The following B3GLCT variants were observed in gnomAD, a reference collection of about 807,000 sequenced individuals.
B3GLCT encodes beta-1,3-glucosyltransferase.
B3GLCT carries 65 observed loss-of-function variants against 63.4 expected under a neutral mutation model. The ratio of observed to expected loss-of-function variants is 1.03; its 90% CI spans 0.84 to 1.26. The LOEUF is 1.26. Among genes scored for constraint, B3GLCT ranks in the 50% most tolerant of loss-of-function variants. The pLI, the probability that B3GLCT is intolerant of heterozygous loss-of-function variation, is 0.00. For missense variants in B3GLCT, 577 were observed against 604.8 expected (o/e 0.95, Z 0.48); for synonymous variants, 233 against 219.2 (o/e 1.06, Z -0.55).
At chr13:31,274,775 G>A (rs943857489) in intron 9 of B3GLCT, 147 bp downstream of exon 9, 11 of 1,037,948 alleles carry the variant, frequency 1.1e-5, no homozygotes, top group Non-Finnish European at 1.3e-5. Flanking sequence ...TGATGCTAAG[G>A]TTTGGGCTTC....
At chr13:31,205,862 A>G (rs1023195518) in intron 1 of B3GLCT, among the ~76,000 whole-genome samples, 3 of 152,258 alleles carry the variant, frequency 2.0e-5, no homozygotes, top group African/African-American at 7.2e-5. Flanking sequence ...CAAAACAAAA[A>G]TAAAAACAAA....
intron 6 of B3GLCT, among the ~76,000 whole-genome samples, chr13:31,259,572 A>G (rs1283071091): frequency 6.6e-6 from 1 of 151,246 alleles, no homozygotes; most frequent in Non-Finnish European, 1.5e-5. Context: ...TGTGCAGCTT[A>G]GGTCATTGAG....
At chr13:31,282,127 TTAAAG>T (rs1269377075) in intron 10 of B3GLCT, among the ~76,000 whole-genome samples, 1 of 152,218 alleles carries the variant, frequency 6.6e-6, no homozygotes, top group Non-Finnish European at 1.5e-5. Flanking sequence ...AGGTAACTTA[TTAAAG>T]TATTTTCTCA....
chr13:31,313,597 TC>T, intron 12 of B3GLCT, among the ~76,000 whole-genome samples: 1 of 152,302 alleles, frequency 6.6e-6, no homozygotes, highest in East Asian at 1.9e-4. Context: ...CTGACTTGGA[TC>T]CTGTTAAAGG....
At chr13:31,243,641 A>C (rs1306698333) in intron 4 of B3GLCT, among the ~76,000 whole-genome samples, 1 of 152,238 alleles carries the variant, frequency 6.6e-6, no homozygotes, top group African/African-American at 2.4e-5. Flanking sequence ...GAGGATGATG[A>C]ATATGTATAA....
At chr13:31,279,209 G>A (rs1024160810) in intron 10 of B3GLCT, among the ~76,000 whole-genome samples, 10 of 152,040 alleles carry the variant, frequency 6.6e-5, no homozygotes, top group African/African-American at 1.9e-4. Context: ...AATACAAATC[G>A]AGCTGAGAAT....
At chr13:31,270,339 T>C (rs1872527966) in intron 8 of B3GLCT, among the ~76,000 whole-genome samples, 1 of 152,220 alleles carries the variant, frequency 6.6e-6, no homozygotes, top group Non-Finnish European at 1.5e-5. Flanking sequence ...TTCTGACTTC[T>C]CAGCTGTCTT....
At chr13:31,257,883 A>G (rs1871818556) in intron 6 of B3GLCT, among the ~76,000 whole-genome samples, 2 of 152,170 alleles carry the variant, frequency 1.3e-5, no homozygotes, top group South Asian at 4.1e-4. Flanking sequence ...ATTACATGTT[A>G]GGTGTACTGG....
intron 8 of B3GLCT, among the ~76,000 whole-genome samples, chr13:31,273,369 T>C (rs1872653100): frequency 1.3e-5 from 2 of 152,326 alleles, no homozygotes; most frequent in South Asian, 2.1e-4. Context: ...GCTGGGATTA[T>C]AGGCGTGAGC....
chr13:31,238,241 C>T (rs1434153511), intron 4 of B3GLCT, among the ~76,000 whole-genome samples: 1 of 152,172 alleles, frequency 6.6e-6, no homozygotes, highest in Non-Finnish European at 1.5e-5. Context: ...AAAACGGAAA[C>T]ATTTTTCATC....
chr13:31,324,963 T>C (rs1342150246), intron 14 of B3GLCT, among the ~76,000 whole-genome samples: 2 of 152,180 alleles, frequency 1.3e-5, no homozygotes, highest in African/African-American at 4.8e-5. Context: ...CACCTCGACT[T>C]CCCAAAGTGC....
chr13:31,228,223 T>G (rs1566050366), intron 3 of B3GLCT, among the ~76,000 whole-genome samples: 1 of 152,238 alleles, frequency 6.6e-6, no homozygotes, highest in Non-Finnish European at 1.5e-5. Context: ...TGTGGCCGTT[T>G]CCTGGAGATA....
At chr13:31,308,698 A>C (rs1418200471) in intron 12 of B3GLCT, among the ~76,000 whole-genome samples, 6 of 152,184 alleles carry the variant, frequency 3.9e-5, no homozygotes, top group African/African-American at 1.4e-4. Context: ...AGGTTCCTCA[A>C]GAGGTGGATG....
At chr13:31,245,524 C>G (rs1163236598) in intron 4 of B3GLCT, among the ~76,000 whole-genome samples, 1 of 152,086 alleles carries the variant, frequency 6.6e-6, no homozygotes, top group Non-Finnish European at 1.5e-5. Flanking sequence ...TTCTTGGAAT[C>G]ATGTCTGGTT....
intron 10 of B3GLCT, among the ~76,000 whole-genome samples, chr13:31,281,855 A>AT (rs1873084969): frequency 6.6e-6 from 1 of 152,204 alleles, no homozygotes; most frequent in Admixed American, 6.5e-5. Flanking sequence ...GTTCATTTTC[A>AT]TTTATAATCT....
At chr13:31,244,972 T>A (rs1359161131) in intron 4 of B3GLCT, among the ~76,000 whole-genome samples, 1 of 151,488 alleles carries the variant, frequency 6.6e-6, no homozygotes, top group Non-Finnish European at 1.5e-5. Flanking sequence ...AATGTTGTTA[T>A]ATGGAGATAC....
chr13:31,310,151 A>G (rs369265826), intron 12 of B3GLCT, among the ~76,000 whole-genome samples: 2 of 152,044 alleles, frequency 1.3e-5, no homozygotes, highest in Non-Finnish European at 2.9e-5. Context: ...AAGCCCGCCT[A>G]TGGACCAGTC....
intron 8 of B3GLCT, among the ~76,000 whole-genome samples, chr13:31,270,671 A>T (rs1013897984): frequency 2.0e-5 from 3 of 152,214 alleles, no homozygotes; most frequent in Admixed American, 2.0e-4. Flanking sequence ...CCGTCTCCCC[A>T]CACTAAACTC....
In B3GLCT at chr13:31,229,259, A is replaced by C; in HGVS notation, c.235A>C (p.Lys79Gln). The C allele has an allele frequency of 6.2e-7, 1 of 1,613,628 alleles. No individual in the cohort carries two copies. The highest frequency in any genetic ancestry group is 1.7e-5 in the Admixed American group (1 of 60,036). Residue 79 changes from lysine to glutamine, a missense_variant, in exon 4 of 15, where the codon AAA becomes CAA. By Grantham distance (53) the Lys-to-Gln change is moderately conservative. Transcript: ENST00000343307. ...FHAKRAEQLK[K>Q]SILKQAADLT... ...TGCAAAGAGAGCAGAGCAGTTAAAA[A>C]AAAGCATCTTAAAGCAGGCTGCAGA...
Sources: allele counts gnomAD v4.1 joint callset (sites outside exome capture counted in the v4.1 genomes callset), GRCh38; gene constraint gnomAD v4.1.1; transcripts MANE v1.5; gene names NCBI Gene and HGNC (gene_info 2026-07-23, HGNC 2026-07-21).